VRK2: variants seen among roughly 807,000 people sequenced by gnomAD.
VRK2 encodes serine/threonine-protein kinase VRK2.
A neutral mutation model predicts 57.6 loss-of-function variants in VRK2; 60 were observed. The ratio of observed to expected loss-of-function variants is 1.04; its 90% CI spans 0.85 to 1.29. The LOEUF (loss-of-function observed/expected upper bound fraction) is 1.29. Among genes scored for constraint, VRK2 ranks in the 50% most tolerant of loss-of-function variants. The pLI, the probability that VRK2 is intolerant of heterozygous loss-of-function variation, is 0.00. For synonymous variants in VRK2, 231 were observed against 199.2 expected, an observed-to-expected ratio of 1.16 and a Z score of -1.35; for missense variants, 705 against 588.1, an observed-to-expected ratio of 1.20 and a Z score of -2.06.
At chr2:58,143,303 A>G (rs143137412) in intron 11 of VRK2, among the ~76,000 whole-genome samples, 13 of 152,074 alleles carry the variant, frequency 8.5e-5, no homozygotes, top group African/African-American at 2.9e-4. Context: ...TTTCATACCT[A>G]CTTTCTTGAA....
At chr2:58,157,442 TCTC>T (rs1206171901) in intron 12 of VRK2, among the ~76,000 whole-genome samples, 1 of 152,120 alleles carries the variant, frequency 6.6e-6, no homozygotes, top group Non-Finnish European at 1.5e-5. Flanking sequence ...GTCAATAGTA[TCTC>T]CTCCTAGCTG....
chr2:58,096,138 G>A (rs1208783305), intron 7 of VRK2, among the ~76,000 whole-genome samples: 9 of 151,894 alleles, frequency 5.9e-5, no homozygotes, highest in Admixed American at 5.9e-4. Context: ...AATAAATCTT[G>A]ATGTGTTATG....
intron 1 of VRK2, among the ~76,000 whole-genome samples, chr2:57,954,744 T>C (rs1671532241): frequency 6.6e-6 from 1 of 151,998 alleles, no homozygotes; most frequent in South Asian, 2.1e-4. Context: ...TTTAAAATCA[T>C]GAGCCTGATG....
At chr2:57,942,508 C>T (rs1029603507) in intron 1 of VRK2, among the ~76,000 whole-genome samples, 7 of 152,086 alleles carry the variant, frequency 4.6e-5, no homozygotes, top group African/African-American at 1.7e-4. Flanking sequence ...TTTAGGTAAA[C>T]TTTATGTTTT....
chr2:57,990,769 T>C (rs1672739100), intron 1 of VRK2, among the ~76,000 whole-genome samples: 1 of 152,104 alleles, frequency 6.6e-6, no homozygotes, highest in African/African-American at 2.4e-5. Flanking sequence ...GTTTAGAAAA[T>C]ACTTTGATAG....
chr2:58,049,096 G>T, intron 2 of VRK2, 129 bp downstream of exon 2: 2 of 1,158,812 alleles, frequency 1.7e-6, no homozygotes, highest in Non-Finnish European at 2.4e-6. Flanking sequence ...GATTGTACTC[G>T]ATTAAGTAAT....
chr2:57,916,596 T>C (rs1670161988), intron 1 of VRK2, among the ~76,000 whole-genome samples: 1 of 152,044 alleles, frequency 6.6e-6, no homozygotes, highest in South Asian at 2.1e-4. Flanking sequence ...TGATATTGGT[T>C]TTCAATTTTT....
chr2:58,082,350 A>T (rs1223577658), intron 2 of VRK2, among the ~76,000 whole-genome samples: 10 of 151,804 alleles, frequency 6.6e-5, no homozygotes, highest in South Asian at 4.1e-4. Flanking sequence ...TTTTTAGCTC[A>T]TTACATTCTG....
At chr2:57,960,144 C>T (rs1012626280) in intron 1 of VRK2, among the ~76,000 whole-genome samples, 4 of 152,040 alleles carry the variant, frequency 2.6e-5, no homozygotes, top group Non-Finnish European at 5.9e-5. Context: ...TTCCGTGCCC[C>T]TGTGTAAAGG....
At chr2:57,982,137 A>G (rs1483478254) in intron 1 of VRK2, among the ~76,000 whole-genome samples, 1 of 152,114 alleles carries the variant, frequency 6.6e-6, no homozygotes, top group African/African-American at 2.4e-5. Context: ...TTCATTCTGG[A>G]TGCTTTCAGG....
intron 2 of VRK2, chr2:58,026,902 G>A (rs1338928602): frequency 7.3e-6 from 1 of 136,866 alleles, no homozygotes; most frequent in Admixed American, 7.3e-5. Flanking sequence ...TTTTTTTTTT[G>A]TTTGTTTGTA....
intron 8 of VRK2, among the ~76,000 whole-genome samples, chr2:58,125,976 C>A (rs1444314109): frequency 6.6e-6 from 1 of 151,870 alleles, no homozygotes; most frequent in Non-Finnish European, 1.5e-5. Flanking sequence ...TATCTAGAAA[C>A]CAGAATAAAC....
At chr2:57,970,694 A>G (rs1672069868) in intron 1 of VRK2, among the ~76,000 whole-genome samples, 1 of 151,904 alleles carries the variant, frequency 6.6e-6, no homozygotes, top group Admixed American at 6.6e-5. Flanking sequence ...ATTGTCTTAC[A>G]TAATAATATC....
intron 12 of VRK2, 135 bp downstream of exon 12, chr2:58,146,609 A>T (rs1682178139): frequency 2.0e-6 from 2 of 1,021,510 alleles, no homozygotes; most frequent in Non-Finnish European, 2.7e-6. Flanking sequence ...GACAGAAAAT[A>T]TCCTAGCCAG....
At chr2:58,116,079 G>A (rs1475850223) in intron 7 of VRK2, among the ~76,000 whole-genome samples, 1 of 152,148 alleles carries the variant, frequency 6.6e-6, no homozygotes, top group Non-Finnish European at 1.5e-5. Context: ...ATGGTAAGGA[G>A]AGTTTATAGG....
intron 1 of VRK2, among the ~76,000 whole-genome samples, chr2:57,980,014 G>A (rs1672372984): frequency 6.6e-6 from 1 of 151,934 alleles, no homozygotes; most frequent in Non-Finnish European, 1.5e-5. Flanking sequence ...CTTTTTCCAT[G>A]AATCTTTGCA....
At chr2:58,022,474 A>T (rs1673787821) in intron 1 of VRK2, among the ~76,000 whole-genome samples, 1 of 152,244 alleles carries the variant, frequency 6.6e-6, no homozygotes, top group African/African-American at 2.4e-5. Context: ...AACAAGGCAG[A>T]TTTTGTAAAA....
At chr2:57,955,509 C>T (rs1051311343) in intron 1 of VRK2, among the ~76,000 whole-genome samples, 1 of 152,116 alleles carries the variant, frequency 6.6e-6, no homozygotes, top group African/African-American at 2.4e-5. Flanking sequence ...AGATATAACA[C>T]ATATGGAATA....
rs150932006 is a variant in VRK2, at chr2:58,127,249, T to C, written c.676+4016T>C. Among the ~76,000 whole-genome samples, 138 of 152,264 alleles carry C rather than the reference T, an allele frequency of 9.1e-4. 1 individual carries two copies. The highest frequency in any genetic ancestry group is 3.3e-3 in the African/African-American group (136 of 41,556). On this transcript the variant is annotated intron_variant, in intron 8 of 12. Transcript: ENST00000340157. ...ATCTAGCACTCCAACTTACAAAATA[T>C]ATGTGAAATAAACTGAGAATGTATT... is the stretch of plus-strand genomic sequence containing the variant.
Sources: allele counts gnomAD v4.1 joint callset (sites outside exome capture counted in the v4.1 genomes callset), GRCh38; gene constraint gnomAD v4.1.1; transcripts MANE v1.5; gene names NCBI Gene and HGNC (gene_info 2026-07-23, HGNC 2026-07-21).